SCN9A: variants seen among roughly 807,000 people sequenced by gnomAD.
SCN9A encodes the protein sodium voltage-gated channel alpha subunit 9, also known as sodium channel protein type 9 subunit alpha.
SCN9A carries 131 observed loss-of-function variants against 187.0 expected under a neutral mutation model. The observed-to-expected ratio is 0.70, with a 90% CI of 0.61 to 0.81. SCN9A has a LOEUF of 0.81. Among genes scored for constraint, SCN9A ranks in the 30% least tolerant of loss-of-function variants. The probability of loss-of-function intolerance (pLI) is 0.00; values close to 1 mark genes in which losing one functional copy is unlikely to be tolerated. For synonymous variants in SCN9A, 809 were observed against 808.6 expected (o/e 1.00, Z -0.01); for missense variants, 2,252 against 2,396.6 (o/e 0.94, Z 1.26).
Position 166,242,611 on chromosome 2 carries a change from C to A in SCN9A, c.3518G>T (p.Gly1173Val), listed in dbSNP as rs764060579. 6.4e-7 allele frequency: 1 copy of A among 1,555,224 alleles called. No individual in the cohort carries two copies. Among genetic ancestry groups the A allele is most frequent in the South Asian group, 1.2e-5 (1 of 84,178 alleles). ...GATGTTCCACCAGATTTTTCCTTTC[C>A]CTGACTCTATGTTAACTTGGCAGCA... Reference protein sequence around the residue: ...FSCCQVNIESGKGKIWWNIRK... With the variant: ...FSCCQVNIESVKGKIWWNIRK... The change falls in exon 19 of 27, where the codon GGG becomes GTG. Residue 1173 changes from glycine (G) to valine (V), a missense_variant. Gly to Val is a moderately radical substitution (Grantham distance 109). This residue lies in a region of SCN9A where 313 missense variants were observed against 295.3 expected (regional missense o/e 1.06). Transcript: ENST00000642356.
At position 166,322,987 on chromosome 2, in the gene SCN9A, AG is replaced by A. The variant is rs1189366723; in HGVS notation, c.-50-11182del. Reference sequence around the variant, plus strand: ...CCTAGAATGACTGTTGATTGCTCAAAGGATTGGGTCACTGCAGAATTTCCTT... The same window carrying A: ...CCTAGAATGACTGTTGATTGCTCAAAGATTGGGTCACTGCAGAATTTCCTT... On this transcript the variant is annotated intron_variant, in intron 1 of 26. Coordinates refer to ENST00000642356, the MANE Select transcript of SCN9A (RefSeq NM_001365536.1). Among the ~76,000 whole-genome samples, 29 of 152,324 alleles carry A rather than the reference AG, an allele frequency of 1.9e-4. 1 individual carries two copies. Among genetic ancestry groups the A allele is most frequent in the Admixed American group, 1.7e-3 (26 of 15,298 alleles).
chr2:166,299,840 A>T (rs1698477139), intron 7 of SCN9A, among the ~76,000 whole-genome samples: 1 of 150,818 alleles, frequency 6.6e-6, no homozygotes, highest in Admixed American at 6.6e-5. Flanking sequence ...GCTAGCTAAT[A>T]GTGACCTTCC....
At chr2:166,263,764 C>G (rs1253915197) in intron 17 of SCN9A, among the ~76,000 whole-genome samples, 7 of 151,850 alleles carry the variant, frequency 4.6e-5, no homozygotes, top group Admixed American at 1.3e-4. Flanking sequence ...TAACTGGGGT[C>G]CTTATAAGAA....
chr2:166,351,776 T>C (rs6746587), intron 1 of SCN9A, among the ~76,000 whole-genome samples: 50,505 of 151,994 alleles, frequency 0.33, 10,010 homozygotes, highest in Non-Finnish European at 0.44. Flanking sequence ...AGATTTTTTT[T>C]CCCCAAATTC....
intron 4 of SCN9A, 103 bp downstream of exon 4, chr2:166,306,407 A>G (rs1698758438): frequency 2.7e-6 from 2 of 733,124 alleles, no homozygotes; most frequent in Admixed American, 4.1e-5. Context: ...ATGGGAAGGT[A>G]AAGATTCCCC....
chr2:166,358,002 T>C (rs570898206), intron 1 of SCN9A, among the ~76,000 whole-genome samples: 2 of 151,062 alleles, frequency 1.3e-5, no homozygotes, highest in East Asian at 3.9e-4. Flanking sequence ...TTTTTTTTCA[T>C]CTTTGTGAGC....
In SCN9A at chr2:166,306,498, A is replaced by T. The variant is rs1057521285; in HGVS notation, c.467+12T>A. ...ACCAAAACTATATTAAAATGTACTT[A>T]TACCCACTTACTCGACATTTTTGGT... is the stretch of plus-strand genomic sequence containing the variant. On this transcript the variant is annotated intron_variant, in intron 4 of 26. Coordinates refer to ENST00000642356, the MANE Select transcript of SCN9A (RefSeq NM_001365536.1). 3 of 1,394,930 alleles carry T rather than the reference A, an allele frequency of 2.2e-6. No homozygotes were observed. The highest frequency in any genetic ancestry group is 3.0e-6 in the Non-Finnish European group (3 of 999,822). The allele number at this position is 1,394,930 out of a possible 1,614,324, so 86.4% of individuals were successfully genotyped here.
rs565155125 is a variant in SCN9A at position 166,335,159 on chromosome 2, TA to T, written c.-50-23354del. Among the ~76,000 whole-genome samples, 9 of 152,218 alleles carry T rather than the reference TA, an allele frequency of 5.9e-5. No homozygotes were observed. The East Asian group carries it at 1.7e-3, about 29-fold the overall frequency. On this transcript the variant is annotated intron_variant, in intron 1 of 26. Transcript: ENST00000642356. ...ATTTTTGAGTTTACTTCTACACAAA[TA>T]AAAAATGGATATTAGTAATTGACCC...
chr2:166,252,899 A>C (rs116437319), intron 17 of SCN9A, among the ~76,000 whole-genome samples: 70 of 152,080 alleles, frequency 4.6e-4, no homozygotes, highest in African/African-American at 1.6e-3. Context: ...TTAATTTTTC[A>C]TTCTCATTTG....
chr2:166,359,979 T>G (rs1444724617), intron 1 of SCN9A, among the ~76,000 whole-genome samples: 1 of 151,730 alleles, frequency 6.6e-6, no homozygotes, highest in African/African-American at 2.4e-5. Flanking sequence ...CCCAGCACTT[T>G]GGGAAGCCGA....
At chr2:166,300,713 G>A (rs1698515078) in intron 7 of SCN9A, among the ~76,000 whole-genome samples, 1 of 150,726 alleles carries the variant, frequency 6.6e-6, no homozygotes, top group Non-Finnish European at 1.5e-5. Context: ...GGAAACAGAA[G>A]CAAAATTCAG....
rs202202144 is a variant in SCN9A, at chr2:166,197,302, G to A, written c.*1370C>T. The A allele has an allele frequency of 1.3e-5, 2 of 152,082 alleles. No individual in the cohort carries two copies. Among genetic ancestry groups the A allele is most frequent in the Non-Finnish European group, 2.9e-5 (2 of 67,964 alleles). The allele number at this position is 152,082 out of a possible 1,614,324, so 9.4% of individuals were successfully genotyped here. A position where few individuals can be genotyped will look rare whatever the true frequency, so the allele number is the denominator to read the frequency against. On this transcript the variant is annotated 3_prime_UTR_variant, in exon 27 of 27. Transcript: ENST00000642356. ...AATAGGTGTTTTCAAAAAACTAGAT[G>A]TCTACAGCTAATGCAAAATGAATAT...
chr2:166,279,246 A>G (rs1016172726), intron 14 of SCN9A, among the ~76,000 whole-genome samples: 2 of 152,234 alleles, frequency 1.3e-5, no homozygotes, highest in Non-Finnish European at 2.9e-5. Context: ...GGGGAAAAAC[A>G]TTGGGAATAT....
chr2:166,294,862 A>G (rs1324251328), intron 7 of SCN9A, 200 bp from the exon 8 acceptor site: 1 of 412,912 alleles, frequency 2.4e-6, no homozygotes, highest in Non-Finnish European at 4.3e-6. Flanking sequence ...TAGGCAATAA[A>G]CATGACAATA....
intron 1 of SCN9A, among the ~76,000 whole-genome samples, chr2:166,331,042 T>TTAA (rs2105263897): frequency 6.6e-6 from 1 of 152,200 alleles, no homozygotes; most frequent in East Asian, 1.9e-4. Context: ...AAAAGACAGA[T>TTAA]TAATATAAAA....
At chr2:166,224,185 G>A (rs1394819720) in intron 24 of SCN9A, among the ~76,000 whole-genome samples, 1 of 152,046 alleles carries the variant, frequency 6.6e-6, no homozygotes, top group Non-Finnish European at 1.5e-5. Context: ...TTTATCCTAT[G>A]CAGGGAAGAC....
chr2:166,327,525 T>TA (rs1168764967), intron 1 of SCN9A, among the ~76,000 whole-genome samples: 5 of 152,128 alleles, frequency 3.3e-5, no homozygotes, highest in Admixed American at 6.6e-5. Flanking sequence ...CTAGATTCAG[T>TA]AAAAACAATG....
At chr2:166,294,274 C>G (rs1468383189) in intron 8 of SCN9A, among the ~76,000 whole-genome samples, 6 of 152,106 alleles carry the variant, frequency 3.9e-5, no homozygotes, top group Non-Finnish European at 8.8e-5. Context: ...GACTTTGTGA[C>G]TCTTCGTTTT....
At position 166,215,185 on chromosome 2, in the gene SCN9A, C is replaced by G. The variant is rs187021917; in HGVS notation, c.4399-10721G>C. Among the ~76,000 whole-genome samples, 219 of 152,164 alleles carry G rather than the reference C, an allele frequency of 1.4e-3. 1 individual carries two copies. The highest frequency in any genetic ancestry group is 4.9e-3 in the African/African-American group (205 of 41,532). Reference sequence around the variant, plus strand: ...AATTACGTGGAAATTAAACAACATGCTCCTGAACAGGCAATGGGTCAAAGA... The same window carrying G: ...AATTACGTGGAAATTAAACAACATGGTCCTGAACAGGCAATGGGTCAAAGA... On this transcript the variant is annotated intron_variant, in intron 24 of 26. Coordinates refer to ENST00000642356, the MANE Select transcript of SCN9A (RefSeq NM_001365536.1).
Sources: gnomAD v4.1 joint callset for allele counts (sites outside exome capture counted in the v4.1 genomes callset) on GRCh38, gnomAD v4.1.1 for gene constraint, gnomAD v4.1.1 regional missense constraint, MANE v1.5 for transcripts, NCBI Gene and HGNC (gene_info 2026-07-23, HGNC 2026-07-21) for gene names.